The following PCDH15 variants were observed in gnomAD, a reference collection of about 807,000 sequenced individuals.
PCDH15 encodes protocadherin-15.
A neutral mutation model predicts 178.5 loss-of-function variants in PCDH15; 129 were observed. The observed-to-expected ratio is 0.72, with a 90% confidence interval of 0.63 to 0.84. The LOEUF (loss-of-function observed/expected upper bound fraction) is 0.84. PCDH15 is among the 40% of genes least tolerant of loss of function. The pLI is 0.00. For missense variants in PCDH15, 2,230 were observed against 2,099.9 expected, an observed-to-expected ratio of 1.06 and a Z score of -1.21; for synonymous variants, 800 against 732.0, an observed-to-expected ratio of 1.09 and a Z score of -1.50.
chr10:54,798,777 T>C (rs1952328589), intron 1 of PCDH15, among the ~76,000 whole-genome samples: 1 of 152,090 alleles, frequency 6.6e-6, no homozygotes, highest in African/African-American at 2.4e-5. Flanking sequence ...TCTCCCAGCA[T>C]TAGGGCTACA....
chr10:54,853,982 C>T lies in PCDH15; in HGVS notation c.-29+43468G>A, dbSNP rs1246776162. Among the ~76,000 whole-genome samples, 3 of 152,168 alleles carry T rather than the reference C, an allele frequency of 2.0e-5. No homozygotes were observed. In the East Asian group the frequency reaches 5.8e-4, roughly 29 times the overall value. The stretch of plus-strand genomic sequence containing the variant: ...TGCCCACTTGGCCTGGCAGGCTGTG[C>T]TAGGCTTATGCTACCAGCCTGGGTC... On this transcript the variant is annotated intron_variant, in intron 3 of 5. Transcript: ENST00000458638.
At chr10:55,476,641 GA>G (rs1161816038) in intron 2 of PCDH15, among the ~76,000 whole-genome samples, 1 of 151,708 alleles carries the variant, frequency 6.6e-6, no homozygotes, top group Non-Finnish European at 1.5e-5. Flanking sequence ...AAAACATATA[GA>G]AAAAAATCAG....
At chr10:54,178,221 T>C (rs1458949648) in intron 13 of PCDH15, among the ~76,000 whole-genome samples, 3 of 152,118 alleles carry the variant, frequency 2.0e-5, no homozygotes, top group Admixed American at 1.3e-4. Flanking sequence ...TGATGGGATA[T>C]CTAATTTTAT....
chr10:55,116,655 G>A (rs1837635252), intron 2 of PCDH15, among the ~76,000 whole-genome samples: 1 of 152,106 alleles, frequency 6.6e-6, no homozygotes, highest in African/African-American at 2.4e-5. Context: ...TAAGTGCTCT[G>A]GCAAGCTTCC....
chr10:55,214,426 A>G (rs539058695), intron 1 of PCDH15, among the ~76,000 whole-genome samples: 1 of 152,076 alleles, frequency 6.6e-6, no homozygotes, highest in Non-Finnish European at 1.5e-5. Context: ...TATATGGAAA[A>G]TTATGTATTT....
intron 3 of PCDH15, among the ~76,000 whole-genome samples, chr10:54,809,610 T>C (rs1254736139): frequency 2.6e-5 from 4 of 152,074 alleles, no homozygotes; most frequent in African/African-American, 9.7e-5. Flanking sequence ...TCTCAATCCA[T>C]AGAAACACTA....
intron 15 of PCDH15, among the ~76,000 whole-genome samples, chr10:54,121,750 C>T (rs538994583): frequency 7.2e-5 from 11 of 151,932 alleles, no homozygotes; most frequent in South Asian, 4.2e-4. Context: ...AAGATTGAAT[C>T]GGGAAGAAAT....
chr10:55,346,885 T>C (rs1044740094), intron 2 of PCDH15, among the ~76,000 whole-genome samples: 3 of 152,030 alleles, frequency 2.0e-5, no homozygotes, highest in Admixed American at 6.6e-5. Flanking sequence ...ATTAGAGATA[T>C]AGTCAGTACA....
At chr10:54,602,141 A>G (rs890872524) in intron 2 of PCDH15, among the ~76,000 whole-genome samples, 1 of 152,018 alleles carries the variant, frequency 6.6e-6, no homozygotes, top group Non-Finnish European at 1.5e-5. Flanking sequence ...AAAGTTTTCT[A>G]AAAAAGAAAA....
chr10:54,822,507 T>C (rs145651836), intron 3 of PCDH15, among the ~76,000 whole-genome samples: 19 of 152,290 alleles, frequency 1.2e-4, no homozygotes, highest in African/African-American at 3.6e-4. Flanking sequence ...TGTGTGTACA[T>C]ACCATAATTT....
intron 1 of PCDH15, among the ~76,000 whole-genome samples, chr10:55,248,117 G>C (rs1388099345): frequency 6.6e-6 from 1 of 151,088 alleles, no homozygotes; most frequent in African/African-American, 2.4e-5. Context: ...AGAGGTTGGG[G>C]CTTTCTTAAT....
At chr10:55,441,092 A>T (rs1387799019) in intron 2 of PCDH15, among the ~76,000 whole-genome samples, 1 of 152,140 alleles carries the variant, frequency 6.6e-6, no homozygotes, top group African/African-American at 2.4e-5. Flanking sequence ...GGCATAAAAC[A>T]TTACTCTAAG....
intron 21 of PCDH15, among the ~76,000 whole-genome samples, chr10:53,980,187 C>A (rs2090512809): frequency 6.7e-6 from 1 of 149,864 alleles, no homozygotes; most frequent in African/African-American, 2.5e-5. Flanking sequence ...CACCACTACA[C>A]TCCAGCCTGG....
At chr10:55,009,073 A>G (rs968194655) in intron 2 of PCDH15, among the ~76,000 whole-genome samples, 3 of 152,026 alleles carry the variant, frequency 2.0e-5, no homozygotes, top group Admixed American at 1.3e-4. Flanking sequence ...TATGTACACA[A>G]ACACCCACTC....
intron 10 of PCDH15, among the ~76,000 whole-genome samples, chr10:54,208,284 C>A (rs1202029245): frequency 6.6e-6 from 1 of 151,924 alleles, no homozygotes; most frequent in African/African-American, 2.4e-5. Context: ...AGAGACCTGG[C>A]TATTGGGGTA....
chr10:55,120,348 A>G (rs1384947210), intron 2 of PCDH15, among the ~76,000 whole-genome samples: 1 of 152,194 alleles, frequency 6.6e-6, no homozygotes, highest in Non-Finnish European at 1.5e-5. Context: ...CTATTGCATT[A>G]CCACATGGTA....
intron 2 of PCDH15, among the ~76,000 whole-genome samples, chr10:54,979,238 T>A (rs532409267): frequency 3.9e-5 from 6 of 152,196 alleles, no homozygotes; most frequent in Non-Finnish European, 8.8e-5. Context: ...AATGGATAGT[T>A]GAAATAGAAA....
chr10:55,123,459 C>G (rs553150115), intron 2 of PCDH15, among the ~76,000 whole-genome samples: 1 of 152,166 alleles, frequency 6.6e-6, no homozygotes, highest in African/African-American at 2.4e-5. Context: ...TCATCACCAT[C>G]TGAGCACAGT....
chr10:55,064,585 CTT>C (rs146259553), intron 2 of PCDH15, among the ~76,000 whole-genome samples: 1 of 151,288 alleles, frequency 6.6e-6, no homozygotes, highest in Non-Finnish European at 1.5e-5. Flanking sequence ...TAAAATATAA[CTT>C]TTTTTTTCAC....
Sources: gnomAD v4.1 joint callset for allele counts (sites outside exome capture counted in the v4.1 genomes callset) on GRCh38, gnomAD v4.1.1 for gene constraint, MANE v1.5 for transcripts, NCBI Gene and HGNC (gene_info 2026-07-23, HGNC 2026-07-21) for gene names.